The following LDHC variants were observed in gnomAD, a reference collection of about 807,000 sequenced individuals.
LDHC encodes L-lactate dehydrogenase C chain.
In LDHC, 20 loss-of-function variants were observed where a neutral mutation model predicts 30.2. The observed-to-expected ratio is 0.66, with a 90% confidence interval of 0.47 to 0.96. The LOEUF is 0.96. Among genes scored for constraint, LDHC ranks in the 40% least tolerant of loss-of-function variants. The pLI, the probability that LDHC is intolerant of heterozygous loss-of-function variation, is 0.00. For missense variants in LDHC, 362 were observed against 394.9 expected, an observed-to-expected ratio of 0.92 and a Z score of 0.71; for synonymous variants, 139 against 132.7, an observed-to-expected ratio of 1.05 and a Z score of -0.32.
rs1308296208 is a variant in LDHC, at chr11:18,412,693, G to T, written c.-9-16G>T. ...TCAGTGTGGTTAATCCAATGAAATT[G>T]CATTATCCCTATCAGGTTCTCCAAA... On this transcript the variant is annotated splice_polypyrimidine_tract_variant and intron_variant, in intron 1 of 7. Coordinates refer to ENST00000541669, the MANE Select transcript of LDHC (RefSeq NM_017448.5). The T allele has an allele frequency of 6.2e-7, 1 of 1,609,284 alleles. No homozygotes were observed. Among genetic ancestry groups the T allele is most frequent in the East Asian group, 2.2e-5 (1 of 44,812 alleles).
chr11:18,427,156 GA>G (rs1848174477), intron 3 of LDHC, among the ~76,000 whole-genome samples: 1 of 151,902 alleles, frequency 6.6e-6, no homozygotes, highest in Non-Finnish European at 1.5e-5. Flanking sequence ...AGGAGTACAA[GA>G]CCAGCCTGGT....
intron 6 of LDHC, among the ~76,000 whole-genome samples, chr11:18,442,543 G>A (rs1848483969): frequency 6.6e-6 from 1 of 151,898 alleles, no homozygotes; most frequent in Admixed American, 6.6e-5. Flanking sequence ...CAATGTTTTG[G>A]TAATTCTTAA....
chr11:18,442,809 T>C (rs2643860), intron 6 of LDHC, among the ~76,000 whole-genome samples: 135,836 of 151,808 alleles, frequency 0.89, 60,835 homozygotes, highest in East Asian at 0.95. Context: ...ACTACAGGAG[T>C]GTACCACCAC....
chr11:18,450,126 G>T (rs532255667), intron 7 of LDHC: 34 of 152,234 alleles, frequency 2.2e-4, no homozygotes, highest in African/African-American at 8.0e-4. Context: ...TATCTTCCAA[G>T]ACCAGGGAGG....
At chr11:18,438,074 T>G (rs1456962951) in intron 5 of LDHC, among the ~76,000 whole-genome samples, 1 of 151,720 alleles carries the variant, frequency 6.6e-6, no homozygotes, top group African/African-American at 2.4e-5. Flanking sequence ...AAGAAATACC[T>G]GAGGCTGAGT....
intron 5 of LDHC, among the ~76,000 whole-genome samples, chr11:18,436,481 GTT>G (rs35976847): frequency 6.5e-3 from 702 of 108,150 alleles, no homozygotes; most frequent in Non-Finnish European, 9.8e-3. Context: ...ATAATACAAA[GTT>G]TTTTTTTTTT....
At chr11:18,424,020 A>G (rs1848113997) in intron 3 of LDHC, among the ~76,000 whole-genome samples, 1 of 19,794 alleles carries the variant, frequency 5.1e-5, no homozygotes, top group African/African-American at 9.3e-5. Flanking sequence ...TGTGATAGTA[A>G]GTGTTTGTGA....
Position 18,451,215 on chromosome 11 carries a change from T to C in LDHC, c.*88T>C. 1.1e-6 allele frequency: 1 copy of C among 938,104 alleles called. No homozygotes were observed. The highest frequency in any genetic ancestry group is 1.5e-6 in the Non-Finnish European group (1 of 661,732). The allele number at this position is 938,104 out of a possible 1,614,324, so 58.1% of individuals were successfully genotyped here. On this transcript the variant is annotated 3_prime_UTR_variant, in exon 8 of 8. Transcript: ENST00000541669. The stretch of plus-strand genomic sequence containing the variant: ...TTTTGAAAGTATTTTCATTTGATCT[T>C]TAAAAAATAAAAACAAATTGGAGAC...
chr11:18,450,910 T>C, intron 7 of LDHC, 53 bp from the exon 8 acceptor site: 3 of 1,346,482 alleles, frequency 2.2e-6, no homozygotes, highest in Non-Finnish European at 3.1e-6. Flanking sequence ...CCCTTTTGCA[T>C]AGCTGCTTTT....
intron 3 of LDHC, among the ~76,000 whole-genome samples, chr11:18,420,918 C>A (rs561450510): frequency 6.6e-6 from 1 of 151,726 alleles, no homozygotes; most frequent in South Asian, 2.1e-4. Context: ...AATATACGGG[C>A]GAGGGGTGAT....
At chr11:18,449,484 A>G (rs1848618091) in intron 7 of LDHC, among the ~76,000 whole-genome samples, 1 of 145,470 alleles carries the variant, frequency 6.9e-6, no homozygotes. Flanking sequence ...GTGAATTGCG[A>G]ATTTCAGTAT....
Position 18,412,826 on chromosome 11 carries a change from A to G in LDHC, c.109A>G (p.Ile37Val), listed in dbSNP as rs1866918550. 1.9e-6 allele frequency: 3 copies of G among 1,613,646 alleles called. No homozygotes were observed. Among genetic ancestry groups the G allele is most frequent in the East Asian group, 2.2e-5 (1 of 44,878 alleles). Residue 37 changes from isoleucine to valine, a missense_variant, in exon 2 of 8, where the codon ATT becomes GTT. Physicochemically the swap from Ile to Val is conservative, Grantham distance 29. Coordinates refer to ENST00000541669, the MANE Select transcript of LDHC (RefSeq NM_017448.5). ...TGGTGCCGTAGGCATGGCTTGTGCT[A>G]TTAGTATCTTACTGAAGGTGAGTGA... The part of the protein sequence containing the change: ...GTGAVGMACA[I>V]SILLKDLADE...
intron 3 of LDHC, among the ~76,000 whole-genome samples, chr11:18,424,708 A>T (rs1187638740): frequency 2.0e-5 from 3 of 152,182 alleles, no homozygotes; most frequent in Non-Finnish European, 4.4e-5. Context: ...TCAAAAACAG[A>T]TAAAATGTAC....
chr11:18,422,771 G>A (rs1848088840), intron 3 of LDHC, among the ~76,000 whole-genome samples: 1 of 151,598 alleles, frequency 6.6e-6, no homozygotes. Flanking sequence ...TCGCTTGAGT[G>A]GAGGAGTTTA....
chr11:18,438,689 T>C (rs749363523), intron 6 of LDHC, 44 bp downstream of exon 6: 22 of 1,006,778 alleles, frequency 2.2e-5, no homozygotes, highest in Non-Finnish European at 3.1e-5. Context: ...ATAGTCAGTC[T>C]TAAGAATAAA....
rs772289571 is a variant in LDHC, at chr11:18,434,805, G to A, written c.484G>A (p.Gly162Ser). Residue 162 changes from glycine to serine, a missense_variant, in exon 5 of 8, where the codon GGT (glycine) becomes AGT (serine). By Grantham distance (56) the Gly-to-Ser change is moderately conservative (BLOSUM62 0). Transcript: ENST00000541669. ...ACCTGTAACTCGTGTAATTGGAAGT[G>A]GTTGTAATCTAGACTCTGCCCGTTT... ...GLPVTRVIGS[G>S]CNLDSARFRY... The A allele has an allele frequency of 6.2e-7, 1 of 1,610,756 alleles. No individual in the cohort carries two copies. Among genetic ancestry groups the A allele is most frequent in the Non-Finnish European group, 8.5e-7 (1 of 1,176,970 alleles).
chr11:18,443,460 C>CT (rs34546967), intron 6 of LDHC, among the ~76,000 whole-genome samples: 15,703 of 135,662 alleles, frequency 0.12, 1,157 homozygotes, highest in East Asian at 0.31. Context: ...TTCTTTCTTT[C>CT]TTTTTTTTTT....
At chr11:18,447,807 T>C (rs1848580170) in intron 7 of LDHC, among the ~76,000 whole-genome samples, 1 of 152,068 alleles carries the variant, frequency 6.6e-6, no homozygotes, top group Non-Finnish European at 1.5e-5. Flanking sequence ...CCCAGTACTT[T>C]GGGAGGCTGA....
intron 7 of LDHC, among the ~76,000 whole-genome samples, chr11:18,446,903 G>A (rs990935084): frequency 5.3e-5 from 8 of 151,262 alleles, no homozygotes; most frequent in African/African-American, 1.9e-4. Flanking sequence ...GGAAAATCAG[G>A]GCAAGAAGTT....
Sources: allele counts gnomAD v4.1 joint callset (sites outside exome capture counted in the v4.1 genomes callset), GRCh38; gene constraint gnomAD v4.1.1; transcripts MANE v1.5; gene names NCBI Gene and HGNC (gene_info 2026-07-23, HGNC 2026-07-21).